Variants in CACNA1E observed in about 807,000 individuals in gnomAD.
The protein encoded by CACNA1E is voltage-dependent R-type calcium channel subunit alpha-1E.
Under a neutral mutation model 259.2 loss-of-function variants are expected in CACNA1E, and 40 were observed. The ratio of observed to expected loss-of-function variants is 0.15; its 90% CI spans 0.12 to 0.20. The LOEUF is 0.20. CACNA1E is among the 10% of genes least tolerant of loss of function. The pLI, the probability that CACNA1E is intolerant of heterozygous loss-of-function variation, is 1.00. For missense variants in CACNA1E, 1,874 were observed against 3,040.1 expected (o/e 0.62, Z 9.02); for synonymous variants, 1,104 against 1,138.5 (o/e 0.97, Z 0.61).
Position 181,628,940 on chromosome 1 carries a change from A to G in CACNA1E, c.952-22398A>G, listed in dbSNP as rs572395892. ...CTTTGCTCACTTTCTTTCAGCAACT[A>G]CTTAAGGAGTAAATACTATGTCTCA... is the stretch of plus-strand genomic sequence containing the variant. On this transcript the variant is annotated intron_variant, in intron 6 of 47. Transcript: ENST00000367573. 3.3e-5 allele frequency among the ~76,000 whole-genome samples: 5 copies of G among 152,254 alleles called. No homozygotes were observed. The East Asian group carries it at 7.7e-4, about 24-fold the overall frequency.
intron 2 of CACNA1E, among the ~76,000 whole-genome samples, chr1:181,473,636 C>A (rs1404214245): frequency 1.3e-5 from 2 of 152,212 alleles, no homozygotes; most frequent in Non-Finnish European, 2.9e-5. Flanking sequence ...GTTGTTTCCA[C>A]CCTGATAACT....
intron 1 of CACNA1E, among the ~76,000 whole-genome samples, chr1:181,333,582 G>C (rs1260071164): frequency 1.3e-5 from 2 of 152,316 alleles, no homozygotes; most frequent in Non-Finnish European, 2.9e-5. Flanking sequence ...GCTAGCTCCT[G>C]CTGAGATCAT....
chr1:181,765,411 C>T (rs1287250723), intron 34 of CACNA1E, among the ~76,000 whole-genome samples: 1 of 152,192 alleles, frequency 6.6e-6, no homozygotes, highest in Non-Finnish European at 1.5e-5. Context: ...TTCCTTCTGG[C>T]TTTCTGTAGA....
At chr1:181,620,259 C>T (rs1655606904) in intron 6 of CACNA1E, among the ~76,000 whole-genome samples, 1 of 152,120 alleles carries the variant, frequency 6.6e-6, no homozygotes, top group South Asian at 2.1e-4. Context: ...GCCAGCCTCA[C>T]TGCCAGGAAA....
intron 1 of CACNA1E, among the ~76,000 whole-genome samples, chr1:181,490,045 G>T (rs1043356413): frequency 6.6e-6 from 1 of 152,144 alleles, no homozygotes; most frequent in Non-Finnish European, 1.5e-5. Context: ...CCCCAACCTC[G>T]TGGTTTCTTA....
intron 6 of CACNA1E, among the ~76,000 whole-genome samples, chr1:181,642,513 A>G (rs1228550603): frequency 6.6e-6 from 1 of 152,178 alleles, no homozygotes; most frequent in Non-Finnish European, 1.5e-5. Flanking sequence ...TAGAGGATAT[A>G]TGAAGCCTCC....
intron 38 of CACNA1E, among the ~76,000 whole-genome samples, chr1:181,779,870 A>G (rs1454699039): frequency 6.7e-6 from 1 of 148,422 alleles, no homozygotes; most frequent in Non-Finnish European, 1.5e-5. Flanking sequence ...TAGTCTGTAT[A>G]GTTAATCAGA....
At chr1:181,426,297 C>T (rs1659194156) in intron 2 of CACNA1E, among the ~76,000 whole-genome samples, 1 of 151,930 alleles carries the variant, frequency 6.6e-6, no homozygotes, top group Non-Finnish European at 1.5e-5. Context: ...CGTCTCAAGC[C>T]CTTCCTATGT....
intron 1 of CACNA1E, among the ~76,000 whole-genome samples, chr1:181,404,542 G>T (rs1254489328): frequency 1.3e-5 from 2 of 152,148 alleles, no homozygotes; most frequent in African/African-American, 2.4e-5. Flanking sequence ...TGACCAGAAA[G>T]AAAAAGCATA....
intron 6 of CACNA1E, among the ~76,000 whole-genome samples, chr1:181,585,109 A>T (rs1368318127): frequency 6.6e-6 from 1 of 151,936 alleles, no homozygotes; most frequent in East Asian, 1.9e-4. Flanking sequence ...TTGGAATTGG[A>T]TACTAGTATC....
chr1:181,516,683 G>A (rs1666610160), intron 3 of CACNA1E, among the ~76,000 whole-genome samples: 1 of 152,158 alleles, frequency 6.6e-6, no homozygotes, highest in African/African-American at 2.4e-5. Flanking sequence ...TTGGGTTCAG[G>A]CCAAATGGAG....
intron 1 of CACNA1E, among the ~76,000 whole-genome samples, chr1:181,324,935 T>G (rs115540732): frequency 6.6e-6 from 1 of 152,222 alleles, no homozygotes; most frequent in South Asian, 2.1e-4. Context: ...TTCCATCTCC[T>G]GCATCTGGGA....
intron 5 of CACNA1E, 52 bp downstream of exon 5, chr1:181,579,276 T>C: frequency 6.9e-7 from 1 of 1,441,450 alleles, no homozygotes; most frequent in Admixed American, 1.9e-5. Flanking sequence ...CTCTGTTAAC[T>C]GGGGTAATTT....
intron 1 of CACNA1E, among the ~76,000 whole-genome samples, chr1:181,362,326 G>A (rs1653943119): frequency 6.6e-6 from 1 of 152,226 alleles, no homozygotes; most frequent in Non-Finnish European, 1.5e-5. Context: ...GAATGGACTG[G>A]TATGTGTGAG....
chr1:181,339,785 G>A (rs968836875), intron 1 of CACNA1E, among the ~76,000 whole-genome samples: 24 of 151,988 alleles, frequency 1.6e-4, no homozygotes, highest in African/African-American at 5.8e-4. Context: ...CCATTTCTGT[G>A]AATGATTGTT....
chr1:181,666,818 A>G (rs199916), intron 7 of CACNA1E, among the ~76,000 whole-genome samples: 134,749 of 152,016 alleles, frequency 0.89, 59,916 homozygotes, highest in African/African-American at 0.96. Flanking sequence ...CATTGAAAAC[A>G]AATCATTCAG....
chr1:181,366,164 C>T (rs1654252349), intron 1 of CACNA1E, among the ~76,000 whole-genome samples: 1 of 152,162 alleles, frequency 6.6e-6, no homozygotes, highest in South Asian at 2.1e-4. Context: ...TCTCTGAATG[C>T]CTATTCCTAT....
intron 1 of CACNA1E, among the ~76,000 whole-genome samples, chr1:181,366,812 A>G (rs1366715752): frequency 6.6e-6 from 1 of 152,190 alleles, no homozygotes; most frequent in Non-Finnish European, 1.5e-5. Flanking sequence ...AATACTGATA[A>G]TAGTGGTAGC....
intron 2 of CACNA1E, among the ~76,000 whole-genome samples, chr1:181,439,348 T>A (rs997857337): frequency 1.4e-5 from 2 of 142,644 alleles, no homozygotes; most frequent in East Asian, 4.0e-4. Context: ...TTTTTTTTTT[T>A]AAAGAACTGC....
Sources: gnomAD v4.1 joint callset for allele counts (sites outside exome capture counted in the v4.1 genomes callset) on GRCh38, gnomAD v4.1.1 for gene constraint, MANE v1.5 for transcripts, NCBI Gene and HGNC (gene_info 2026-07-23, HGNC 2026-07-21) for gene names.